The following BTD variants were observed in gnomAD, a reference collection of about 807,000 sequenced individuals.
BTD encodes biotinidase.
Under a neutral mutation model 17.7 loss-of-function variants are expected in BTD, and 13 were observed. That is an observed-to-expected ratio of 0.74 (90% confidence interval 0.48 to 1.17). The LOEUF (loss-of-function observed/expected upper bound fraction) is 1.17. BTD is among the 50% of genes most tolerant of loss of function. BTD has a pLI of 0.00. For synonymous variants in BTD, 240 were observed against 245.2 expected (o/e 0.98, Z 0.20); for missense variants, 674 against 650.4 (o/e 1.04, Z -0.39).
At chr3:15,602,978 C>T (rs1215592102) in intron 1 of BTD, among the ~76,000 whole-genome samples, 3 of 152,194 alleles carry the variant, frequency 2.0e-5, no homozygotes, top group Non-Finnish European at 4.4e-5. Flanking sequence ...GGAGCAAAGG[C>T]ATGTCTTACA....
intron 3 of BTD, among the ~76,000 whole-genome samples, chr3:15,690,610 G>C (rs2125824951): frequency 6.6e-6 from 1 of 152,276 alleles, no homozygotes; most frequent in Middle Eastern, 3.4e-3. Context: ...TGTTGCCCCA[G>C]CTGGAGTCCA....
At chr3:15,601,550 A>T (rs767274435), upstream of BTD, 5 of 1,604,138 alleles carry the variant, frequency 3.1e-6, no homozygotes, top group African/African-American at 6.7e-5. Flanking sequence ...GCAGCACGCC[A>T]CCTCTGGTAC....
At chr3:15,721,695 A>G (rs955488063) in intron 4 of BTD, among the ~76,000 whole-genome samples, 6 of 152,208 alleles carry the variant, frequency 3.9e-5, no homozygotes, top group African/African-American at 1.4e-4. Flanking sequence ...TTTTATCACA[A>G]GTAAAAAGAG....
intron 3 of BTD, among the ~76,000 whole-genome samples, chr3:15,700,458 C>CAAA (rs71045180): frequency 1.4e-4 from 20 of 146,788 alleles, no homozygotes; most frequent in African/African-American, 5.1e-4. Flanking sequence ...AGTATAATGA[C>CAAA]AAAAAAAAAA....
intron 3 of BTD, among the ~76,000 whole-genome samples, chr3:15,675,567 C>T (rs1191007991): frequency 1.3e-5 from 2 of 152,102 alleles, no homozygotes; most frequent in Admixed American, 6.5e-5. Context: ...GAAACACTGG[C>T]TTTAAATAAG....
chr3:15,687,638 G>GTCCACAT (rs1487981516), intron 3 of BTD, among the ~76,000 whole-genome samples: 1 of 151,330 alleles, frequency 6.6e-6, no homozygotes, highest in Admixed American at 6.6e-5. Context: ...ATATTCCACA[G>GTCCACAT]TATGTTCCCA....
chr3:15,632,200 G>C (rs755267330), intron 1 of BTD, among the ~76,000 whole-genome samples: 106 of 152,110 alleles, frequency 7.0e-4, no homozygotes, highest in Admixed American at 4.2e-3. Context: ...TGTCCCCCTC[G>C]CCTCACCTTA....
chr3:15,629,450 C>T (rs992696081), intron 1 of BTD, among the ~76,000 whole-genome samples: 2 of 152,184 alleles, frequency 1.3e-5, no homozygotes, highest in African/African-American at 4.8e-5. Flanking sequence ...TCTGATCACC[C>T]AGAATCTCCC....
downstream of BTD, among the ~76,000 whole-genome samples, chr3:15,656,443 G>C (rs59987156): frequency 0.037 from 5,687 of 152,218 alleles, 286 homozygotes; most frequent in African/African-American, 0.11. Flanking sequence ...CAGCTCATGC[G>C]GGAGGGACAC....
intron 1 of BTD, among the ~76,000 whole-genome samples, chr3:15,612,255 C>T (rs142942975): frequency 2.6e-5 from 4 of 152,046 alleles, no homozygotes; most frequent in Admixed American, 6.6e-5. Flanking sequence ...CTTAATTGGC[C>T]GAAGATTACC....
intron 3 of BTD, among the ~76,000 whole-genome samples, chr3:15,683,528 T>C (rs1371144373): frequency 6.6e-6 from 1 of 152,148 alleles, no homozygotes; most frequent in African/African-American, 2.4e-5. Flanking sequence ...GGATTTAAGG[T>C]AGTAAAAAAC....
intron 3 of BTD, chr3:15,670,165 G>C: frequency 7.7e-7 from 1 of 1,290,864 alleles, no homozygotes; most frequent in Non-Finnish European, 1.1e-6. Flanking sequence ...CTCACTGTGG[G>C]ATCTTTCCTC....
At chr3:15,614,179 A>C (rs866816534) in intron 1 of BTD, among the ~76,000 whole-genome samples, 3 of 146,070 alleles carry the variant, frequency 2.1e-5, no homozygotes, top group Non-Finnish European at 1.5e-5. Context: ...GCTGGAGTAC[A>C]GTGGCACAGC....
chr3:15,624,890 G>T (rs1458912272), intron 1 of BTD, among the ~76,000 whole-genome samples: 1 of 152,038 alleles, frequency 6.6e-6, no homozygotes, highest in Non-Finnish European at 1.5e-5. Flanking sequence ...GTGCCACCAA[G>T]CCTGGCCAAT....
chr3:15,663,230 G>A (rs571109270), intron 3 of BTD, among the ~76,000 whole-genome samples: 1 of 152,238 alleles, frequency 6.6e-6, no homozygotes, highest in African/African-American at 2.4e-5. Context: ...CTCACCTCAG[G>A]TGATCCGCCC....
rs181743799 is a variant in BTD at position 15,641,997 on chromosome 3, G to C, written c.339G>C (p.Pro113=). 6.2e-7 allele frequency: 1 copy of C among 1,614,026 alleles called. No homozygotes were observed. The highest frequency in any genetic ancestry group is 1.1e-5 in the South Asian group (1 of 91,062). The change falls in exon 3 of 4, where the codon CCG becomes CCC. Residue 113 remains proline (P), a synonymous_variant. Transcript: ENST00000643237. ...TTTATCCATTTTTGGACTTCATGCC[G>C]TCTCCCCAGGTGGTCAGGTGGAACC... is the stretch of plus-strand genomic sequence containing the variant. ...TSIYPFLDFM[P]SPQVVRWNPC... is the part of the protein sequence containing the mutation.
rs920903461 is a variant in BTD at position 15,663,003 on chromosome 3, AT to A, written c.399+20957del. On this transcript the variant is annotated intron_variant, in intron 3 of 3. Coordinates refer to the BTD transcript ENST00000672141. ...TACTGCATCTATGTTCATGAGAAATATTTTTTTTTTTGAGACGGAGTTTCGC... is the reference window on the plus strand; with the variant it reads ...TACTGCATCTATGTTCATGAGAAATATTTTTTTTTTGAGACGGAGTTTCGC... Among the ~76,000 whole-genome samples the A allele has an allele frequency of 1.4e-3, 209 of 146,008 alleles. 2 individuals carry two copies. Among genetic ancestry groups the A allele is most frequent in the African/African-American group, 4.7e-3 (187 of 39,914 alleles).
At chr3:15,673,119 C>T (rs146202150) in intron 3 of BTD, among the ~76,000 whole-genome samples, 338 of 152,306 alleles carry the variant, frequency 2.2e-3, no homozygotes, top group African/African-American at 7.8e-3. Flanking sequence ...TTAGAAAGTT[C>T]CTCCCCCACT....
Position 15,644,387 on chromosome 3 carries a change from G to A in BTD, c.471G>A (p.Glu157=), listed in dbSNP as rs1314225888. The A allele has an allele frequency of 8.1e-6, 13 of 1,614,148 alleles. No homozygotes were observed. Among genetic ancestry groups the A allele is most frequent in the South Asian group, 1.1e-5 (1 of 91,076 alleles). Residue 157 remains glutamate (E), a synonymous_variant, in exon 4 of 4, where the codon GAG becomes GAA. Transcript: ENST00000643237. ...MFLVANLGTK[E]PCHSSDPRCP... is the part of the protein sequence containing the mutation. ...TGGTGGCCAATCTTGGGACAAAGGA[G>A]CCTTGTCATAGCAGTGACCCAAGGT... is the stretch of plus-strand genomic sequence containing the variant.
Sources: allele counts gnomAD v4.1 joint callset (sites outside exome capture counted in the v4.1 genomes callset), GRCh38; gene constraint gnomAD v4.1.1; transcripts MANE v1.5; gene names NCBI Gene and HGNC (gene_info 2026-07-23, HGNC 2026-07-21).